Variants in ASIC2 observed in about 807,000 individuals in gnomAD.
ASIC2 encodes the protein acid-sensing ion channel 2.
ASIC2 carries 25 observed loss-of-function variants against 57.3 expected under a neutral mutation model. The ratio of observed to expected loss-of-function variants is 0.44; its 90% CI spans 0.32 to 0.61. The LOEUF (loss-of-function observed/expected upper bound fraction) is 0.61. ASIC2 is among the 20% of genes least tolerant of loss of function. ASIC2 has a pLI of 0.06. For missense variants in ASIC2, 641 were observed against 738.1 expected, an observed-to-expected ratio of 0.87 and a Z score of 1.52; for synonymous variants, 319 against 307.5, an observed-to-expected ratio of 1.04 and a Z score of -0.39.
intron 1 of ASIC2, among the ~76,000 whole-genome samples, chr17:33,262,296 G>T (rs1308817699): frequency 1.3e-5 from 2 of 148,608 alleles, no homozygotes; most frequent in Admixed American, 1.3e-4. Context: ...AGGAGGGAGA[G>T]AAAATAGGGA....
intron 1 of ASIC2, among the ~76,000 whole-genome samples, chr17:33,867,468 G>A (rs900701189): frequency 9.9e-5 from 15 of 152,212 alleles, no homozygotes; most frequent in African/African-American, 2.9e-4. Flanking sequence ...AGCTAGTCCA[G>A]GAAGAGTAAG....
chr17:33,225,680 G>A (rs1370517337), intron 1 of ASIC2, among the ~76,000 whole-genome samples: 1 of 152,182 alleles, frequency 6.6e-6, no homozygotes. Flanking sequence ...GATCAGTACA[G>A]CTCTGAGCAG....
In ASIC2 at chr17:33,138,168, A is replaced by G. The variant is rs529198378; in HGVS notation, c.709-26101T>C. Among the ~76,000 whole-genome samples, 17 of 152,270 alleles carry G rather than the reference A, an allele frequency of 1.1e-4. 1 individual carries two copies. The South Asian group carries it at 3.5e-3, about 32-fold the overall frequency. On this transcript the variant is annotated intron_variant, in intron 1 of 9. Coordinates refer to ENST00000225823, the MANE Select transcript of ASIC2 (RefSeq NM_183377.2). Reference sequence around the variant, plus strand: ...CTGGAAAAGCCAAGATTGAGACTGGAAAGTCAGAGTTAAGCTTTAGATACA... The same window carrying G: ...CTGGAAAAGCCAAGATTGAGACTGGGAAGTCAGAGTTAAGCTTTAGATACA...
At chr17:33,017,232 G>A (rs2091811328) in intron 8 of ASIC2, among the ~76,000 whole-genome samples, 1 of 152,164 alleles carries the variant, frequency 6.6e-6, no homozygotes, top group South Asian at 2.1e-4. Context: ...GTGTGCAGGT[G>A]TGGACATGCT....
intron 1 of ASIC2, among the ~76,000 whole-genome samples, chr17:33,328,214 T>C (rs1002472158): frequency 6.6e-6 from 1 of 152,194 alleles, no homozygotes; most frequent in Non-Finnish European, 1.5e-5. Context: ...GGAGAGCCCC[T>C]TGAAATGACA....
At position 33,292,673 on chromosome 17, in the gene ASIC2, C is replaced by CA; in HGVS notation, c.-559_-558insT. ...GGGAGAGAAGGCGCCAAGGAACGAG[C>CA]GCCCCCAGAGGCGCACCGCGGCTCC... On this transcript the variant is annotated 5_prime_UTR_variant, in exon 1 of 10. Coordinates refer to ENST00000225823, the MANE Select transcript of ASIC2 (RefSeq NM_183377.2). The CA allele has an allele frequency of 1.0e-6, 1 of 985,684 alleles. No individual in the cohort carries two copies. The highest frequency in any genetic ancestry group is 1.2e-6 in the Non-Finnish European group (1 of 830,134). The allele number at this position is 985,684 out of a possible 1,614,324, so 61.1% of individuals were successfully genotyped here.
At chr17:34,055,333 T>C (rs1456697369) in intron 1 of ASIC2, among the ~76,000 whole-genome samples, 1 of 152,206 alleles carries the variant, frequency 6.6e-6, no homozygotes, top group Non-Finnish European at 1.5e-5. Flanking sequence ...TTCAACAAAT[T>C]ATCAAAAATT....
intron 1 of ASIC2, among the ~76,000 whole-genome samples, chr17:33,402,986 A>G (rs1251289604): frequency 6.6e-6 from 1 of 152,204 alleles, no homozygotes; most frequent in Non-Finnish European, 1.5e-5. Flanking sequence ...ATTGTGGAGA[A>G]ATAGGAACGC....
chr17:33,683,964 C>T (rs7207960), intron 1 of ASIC2, among the ~76,000 whole-genome samples: 30,472 of 151,990 alleles, frequency 0.2, 3,355 homozygotes, highest in African/African-American at 0.29. Flanking sequence ...CTCCAACGTA[C>T]GAATTTAGGG....
chr17:33,940,076 C>A (rs1325176263), intron 1 of ASIC2, among the ~76,000 whole-genome samples: 1 of 152,164 alleles, frequency 6.6e-6, no homozygotes, highest in Non-Finnish European at 1.5e-5. Flanking sequence ...TCACCTTGAC[C>A]TAGGAGAGCA....
At chr17:33,917,531 C>A (rs1915609854) in intron 1 of ASIC2, among the ~76,000 whole-genome samples, 1 of 152,166 alleles carries the variant, frequency 6.6e-6, no homozygotes, top group South Asian at 2.1e-4. Flanking sequence ...CCCCTTGCTA[C>A]CACTCTTGTT....
chr17:33,578,491 G>A (rs925071238), intron 1 of ASIC2, among the ~76,000 whole-genome samples: 10 of 152,132 alleles, frequency 6.6e-5, no homozygotes, highest in African/African-American at 1.4e-4. Flanking sequence ...ATGGGTGGGC[G>A]AGACAATTGG....
chr17:34,103,871 T>C (rs1014539101), intron 1 of ASIC2, among the ~76,000 whole-genome samples: 1 of 152,238 alleles, frequency 6.6e-6, no homozygotes, highest in Non-Finnish European at 1.5e-5. Flanking sequence ...TATATTCATA[T>C]GTCTTGAAGT....
chr17:33,957,494 G>A (rs1444249886), intron 1 of ASIC2, among the ~76,000 whole-genome samples: 2 of 152,136 alleles, frequency 1.3e-5, no homozygotes, highest in East Asian at 1.9e-4. Flanking sequence ...CATGATAGAA[G>A]GCAAAGGAGT....
At chr17:33,343,649 G>A (rs1466472978) in intron 1 of ASIC2, among the ~76,000 whole-genome samples, 4 of 152,098 alleles carry the variant, frequency 2.6e-5, no homozygotes, top group South Asian at 4.2e-4. Flanking sequence ...AAAGCCTTTC[G>A]TACATGAGAG....
At chr17:34,031,638 T>C (rs1425376801) in intron 1 of ASIC2, among the ~76,000 whole-genome samples, 2 of 151,944 alleles carry the variant, frequency 1.3e-5, no homozygotes, top group Non-Finnish European at 2.9e-5. Flanking sequence ...AATGGATAAC[T>C]AGAATAACCA....
Position 33,742,437 on chromosome 17 carries a change from G to A in ASIC2, c.555+413541C>T, listed in dbSNP as rs564835858. Among the ~76,000 whole-genome samples the A allele has an allele frequency of 3.7e-4, 57 of 152,216 alleles. 1 individual carries two copies. Among genetic ancestry groups the A allele is most frequent in the East Asian group, 2.1e-3 (11 of 5,188 alleles). Reference sequence around the variant, plus strand: ...CCCCAACTGGAAAAGCACTGTGTTCGCTCTTGCTGGCCTTATAGTGTATTA... The same window carrying A: ...CCCCAACTGGAAAAGCACTGTGTTCACTCTTGCTGGCCTTATAGTGTATTA... On this transcript the variant is annotated intron_variant, in intron 1 of 9. Coordinates refer to the ASIC2 transcript ENST00000359872.
At chr17:34,077,006 G>GA (rs1330438227) in intron 1 of ASIC2, among the ~76,000 whole-genome samples, 1 of 152,192 alleles carries the variant, frequency 6.6e-6, no homozygotes, top group Non-Finnish European at 1.5e-5. Context: ...CTAGCCTCCT[G>GA]AAAACACCAT....
chr17:33,830,810 A>G (rs1913084266), intron 1 of ASIC2, among the ~76,000 whole-genome samples: 1 of 151,970 alleles, frequency 6.6e-6, no homozygotes. Context: ...AGTTATATTT[A>G]CATTTCAAAA....
Sources: gnomAD v4.1 joint callset for allele counts (sites outside exome capture counted in the v4.1 genomes callset) on GRCh38, gnomAD v4.1.1 for gene constraint, MANE v1.5 for transcripts, NCBI Gene and HGNC (gene_info 2026-07-23, HGNC 2026-07-21) for gene names.